Variants in SLC25A37 observed in about 807,000 individuals in gnomAD.
SLC25A37 encodes the protein mitoferrin-1.
A neutral mutation model predicts 31.0 loss-of-function variants in SLC25A37; 17 were observed. The ratio of observed to expected loss-of-function variants is 0.55; its 90% CI spans 0.38 to 0.82. The LOEUF is 0.82. SLC25A37 is among the 40% of genes least tolerant of loss of function. The pLI is 0.00. For synonymous variants in SLC25A37, 222 were observed against 193.0 expected (o/e 1.15, Z -1.24); for missense variants, 404 against 465.8 (o/e 0.87, Z 1.22).
intron 1 of SLC25A37, among the ~76,000 whole-genome samples, chr8:23,547,048 A>C (rs931193446): frequency 6.6e-6 from 1 of 152,194 alleles, no homozygotes; most frequent in African/African-American, 2.4e-5. Flanking sequence ...AATTCCCTTG[A>C]GGTCTCTTCC....
chr8:23,567,645 G>T (rs1056064538), intron 2 of SLC25A37: 12 of 152,562 alleles, frequency 7.9e-5, no homozygotes, highest in African/African-American at 2.9e-4. Context: ...CAGTGTCACC[G>T]CAAAGGGAGG....
intron 3 of SLC25A37, 29 bp downstream of exon 3, chr8:23,568,407 A>C: frequency 1.2e-6 from 2 of 1,613,724 alleles, no homozygotes; most frequent in Non-Finnish European, 1.7e-6. Context: ...AGGGAGGGGC[A>C]GTAGGGGATG....
In SLC25A37 at chr8:23,566,212, A is replaced by G; in HGVS notation, c.315A>G (p.Arg105=). The G allele has an allele frequency of 6.2e-7, 1 of 1,603,846 alleles. No homozygotes were observed. The highest frequency in any genetic ancestry group is 1.3e-5 in the African/African-American group (1 of 74,464). The change falls in exon 2 of 4, where the codon CGA becomes CGG. Residue 105 remains arginine (R), a synonymous_variant. Coordinates refer to ENST00000519973, the MANE Select transcript of SLC25A37 (RefSeq NM_016612.4). ...MRTEGFWRPL[R]GVNVMIMGAG... is the part of the protein sequence containing the mutation. ...CCGAAGGCTTCTGGAGGCCCTTGCG[A>G]GGCGTCAACGTCATGATCATGGGTG... is the stretch of plus-strand genomic sequence containing the variant.
intron 1 of SLC25A37, among the ~76,000 whole-genome samples, chr8:23,531,515 T>A (rs143559422): frequency 2.8e-3 from 432 of 152,372 alleles, no homozygotes; most frequent in Non-Finnish European, 4.3e-3. Context: ...CATCGTCCTC[T>A]TTTATGTTAC....
rs1802953635 is a variant in SLC25A37 at position 23,575,305 on chromosome 8, T to A, written c.*3450T>A. ...GGGTGAGCAAGTGTTATTTCTTAAA[T>A]TTCTCAAATGCCTGTAGTAACTATT... On this transcript the variant is annotated 3_prime_UTR_variant, in exon 4 of 4. Transcript: ENST00000519973. 6.6e-6 allele frequency: 1 copy of A among 152,192 alleles called. No homozygotes were observed. Among genetic ancestry groups the A allele is most frequent in the African/African-American group, 2.4e-5 (1 of 41,450 alleles). 9.4% of individuals were successfully genotyped at this position (152,192 alleles called of 1,614,324 possible).
intron 1 of SLC25A37, among the ~76,000 whole-genome samples, chr8:23,531,031 T>C (rs539994898): frequency 3.0e-4 from 45 of 152,308 alleles, no homozygotes; most frequent in African/African-American, 1.1e-3. Context: ...CAGGTTAACA[T>C]GGTGTGAATG....
chr8:23,555,241 C>T (rs971022053), intron 1 of SLC25A37, among the ~76,000 whole-genome samples: 17 of 152,112 alleles, frequency 1.1e-4, no homozygotes, highest in African/African-American at 2.4e-5. Flanking sequence ...TTTTCTTTCC[C>T]AGTCAAAGTA....
intron 2 of SLC25A37, 176 bp downstream of exon 2, chr8:23,566,512 G>A (rs146111588): frequency 3.6e-5 from 49 of 1,371,472 alleles, no homozygotes; most frequent in Non-Finnish European, 3.9e-5. Context: ...ACACACGCGC[G>A]CGCACACACA....
At chr8:23,566,587 G>A in intron 2 of SLC25A37, 1 of 1,244,578 alleles carries the variant, frequency 8.0e-7, no homozygotes, top group Non-Finnish European at 1.0e-6. Flanking sequence ...AGGTGTTTTG[G>A]TTTTATTGTT....
intron 1 of SLC25A37, among the ~76,000 whole-genome samples, chr8:23,560,705 C>T (rs1393625483): frequency 1.3e-5 from 2 of 152,176 alleles, no homozygotes; most frequent in Non-Finnish European, 2.9e-5. Flanking sequence ...TAAGACCTGC[C>T]CTTGAGTAAA....
chr8:23,571,273 G>A, intron 3 of SLC25A37, 62 bp from the exon 4 acceptor site: 1 of 1,464,772 alleles, frequency 6.8e-7, no homozygotes, highest in South Asian at 1.4e-5. Context: ...CTGGGGTGGG[G>A]CCACATCCAA....
chr8:23,534,805 A>G (rs17089331), intron 1 of SLC25A37, among the ~76,000 whole-genome samples: 2,722 of 152,312 alleles, frequency 0.018, 42 homozygotes, highest in East Asian at 0.072. Context: ...CATGCCTGGT[A>G]CACGCACAGA....
chr8:23,556,016 G>A (rs1393164897), intron 1 of SLC25A37, among the ~76,000 whole-genome samples: 2 of 152,158 alleles, frequency 1.3e-5, no homozygotes, highest in Non-Finnish European at 2.9e-5. Flanking sequence ...CTCTTTGCTT[G>A]TTCCAAAATG....
chr8:23,546,566 A>AGG (rs1563256169), intron 1 of SLC25A37, among the ~76,000 whole-genome samples: 1 of 109,456 alleles, frequency 9.1e-6, no homozygotes, highest in Non-Finnish European at 1.6e-5. Flanking sequence ...GTATATATAT[A>AGG]TATATATATA....
Position 23,529,155 on chromosome 8 carries a change from A to G in SLC25A37, c.153A>G (p.Ala51=), listed in dbSNP as rs761271701. 3 of 1,611,608 alleles carry G rather than the reference A, an allele frequency of 1.9e-6. No individual in the cohort carries two copies. In the Admixed American group the frequency reaches 5.0e-5, roughly 27 times the overall value. Residue 51 remains alanine (A), a synonymous_variant, in exon 1 of 4, where the codon GCA becomes GCG. Transcript: ENST00000519973. The surrounding 1 kb of genome is among the most constrained non-coding windows in gnomAD (Gnocchi z 4.1). The part of the protein sequence containing the change: ...TSASVSTHMT[A]GAMAGILEHS... ...CCTCCGTGTCCACCCACATGACAGC[A>G]GGAGCGATGGCCGGGATCCTGGAGC...
At chr8:23,551,677 GTA>G in intron 1 of SLC25A37, among the ~76,000 whole-genome samples, 1 of 152,180 alleles carries the variant, frequency 6.6e-6, no homozygotes, top group East Asian at 1.9e-4. Context: ...ACTTTAGGCA[GTA>G]GGTGCCATTA....
intron 1 of SLC25A37, among the ~76,000 whole-genome samples, chr8:23,564,767 A>G (rs1802607496): frequency 6.6e-6 from 1 of 152,176 alleles, no homozygotes; most frequent in South Asian, 2.1e-4. Context: ...AGAGACATCT[A>G]TATCCGGCTA....
intron 3 of SLC25A37, among the ~76,000 whole-genome samples, chr8:23,570,686 A>G (rs1802801568): frequency 6.6e-6 from 1 of 152,154 alleles, no homozygotes; most frequent in Non-Finnish European, 1.5e-5. Context: ...TTAAAAGTAA[A>G]GCACATTGTA....
At chr8:23,565,860 A>C (rs2978477) in intron 1 of SLC25A37, among the ~76,000 whole-genome samples, 144,926 of 152,334 alleles carry the variant, frequency 0.95, 69,053 homozygotes, top group African/African-American at 0.97. Flanking sequence ...GGAAGGTCTT[A>C]CTCTTCCACA....
Sources: gnomAD v4.1 joint callset for allele counts (sites outside exome capture counted in the v4.1 genomes callset) on GRCh38, gnomAD v4.1.1 for gene constraint, Gnocchi (gnomAD v3.1) non-coding constraint, MANE v1.5 for transcripts, NCBI Gene and HGNC (gene_info 2026-07-23, HGNC 2026-07-21) for gene names.